MBD3: variants seen among roughly 807,000 people sequenced by gnomAD.
The protein encoded by MBD3 is methyl-CpG binding domain protein 3, also known as methyl-CpG-binding domain protein 3.
Under a neutral mutation model 31.2 loss-of-function variants are expected in MBD3, and 13 were observed. The ratio of observed to expected loss-of-function variants is 0.42; its 90% CI spans 0.27 to 0.66. The LOEUF (loss-of-function observed/expected upper bound fraction) is 0.66, where lower values mean the gene tolerates loss of function less well. Ranked by LOEUF, MBD3 falls within the 30% of genes least tolerant of loss-of-function variation. The pLI is 0.26. For synonymous variants in MBD3, 223 were observed against 187.4 expected (o/e 1.19, Z -1.55); for missense variants, 440 against 426.5 (o/e 1.03, Z -0.28).
rs934342039 is a variant in MBD3, at chr19:1,585,012, G to A, written c.270+43C>T. The stretch of plus-strand genomic sequence containing the variant: ...CACGTCATGGCCGCGTCCCCGCCTA[G>A]AACGCCCCGCGCCGACGTCACCTGC... On this transcript the variant is annotated intron_variant, in intron 2 of 6. Coordinates refer to ENST00000434436, the MANE Select transcript of MBD3 (RefSeq NM_001281453.2). The surrounding 1 kb of genome is among the most constrained non-coding windows in gnomAD (Gnocchi z 4.1). 2 of 1,604,100 alleles carry A rather than the reference G, an allele frequency of 1.2e-6. No individual in the cohort carries two copies. Among genetic ancestry groups the A allele is most frequent in the African/African-American group, 2.7e-5 (2 of 74,846 alleles).
chr19:1,578,192 T>G lies in MBD3; in HGVS notation c.*6-34A>C. 7.6e-7 allele frequency: 1 copy of G among 1,320,180 alleles called. No individual in the cohort carries two copies. The highest frequency in any genetic ancestry group is 1.0e-6 in the Non-Finnish European group (1 of 956,738). The allele number at this position is 1,320,180 out of a possible 1,614,324, so 81.8% of individuals were successfully genotyped here. The stretch of plus-strand genomic sequence containing the variant: ...GACAGGGAGGGCTGGCTTTAGCGAC[T>G]CCACGGGACGGGGACGCTTGGGCTC... On this transcript the variant is annotated intron_variant, in intron 6 of 6. Transcript: ENST00000434436. The surrounding 1 kb of genome is among the most constrained non-coding windows in gnomAD (Gnocchi z 6.1).
Position 1,584,642 on chromosome 19 carries a change from G to A in MBD3, c.306C>T (p.Arg102=). The change falls in exon 3 of 7, where the codon CGC becomes CGT. Residue 102 remains arginine, a synonymous_variant. Coordinates refer to ENST00000434436, the MANE Select transcript of MBD3 (RefSeq NM_001281453.2). ...KPDLNTALPV[R]QTASIFKQPV... ...GCTGCTTGAAGATGGACGCCGTCTG[G>A]CGCACGGGCAGCGCCGTGTTCAGGT... The A allele has an allele frequency of 6.2e-7, 1 of 1,613,602 alleles. No homozygotes were observed. Among genetic ancestry groups the A allele is most frequent in the Admixed American group, 1.7e-5 (1 of 60,030 alleles).
rs1917272528 is a variant in MBD3 at position 1,578,591 on chromosome 19, G to A, written c.678-53C>T. 1 of 1,606,582 alleles carries A rather than the reference G, an allele frequency of 6.2e-7. No individual in the cohort carries two copies. The highest frequency in any genetic ancestry group is 1.7e-5 in the Admixed American group (1 of 60,030). On this transcript the variant is annotated intron_variant, in intron 5 of 6. Coordinates refer to ENST00000434436, the MANE Select transcript of MBD3 (RefSeq NM_001281453.2). This position sits in a 1 kb window ranked among gnomAD's most constrained non-coding sequence, Gnocchi z 6.1. The stretch of plus-strand genomic sequence containing the variant: ...CCAAGGTGAGCGGCCAGCAGGACAT[G>A]GACACAGGATGAACGTGGGGACCTC...
chr19:1,584,872 G>T (rs1176532019), intron 2 of MBD3, 183 bp downstream of exon 2: 3 of 1,028,818 alleles, frequency 2.9e-6, no homozygotes, highest in Non-Finnish European at 4.0e-6. Context: ...GCCGCGGGCC[G>T]CGTCCTCGCC....
chr19:1,591,566 C>G (rs1047130013), intron 1 of MBD3, among the ~76,000 whole-genome samples: 1 of 152,174 alleles, frequency 6.6e-6, no homozygotes, highest in African/African-American at 2.4e-5. Flanking sequence ...CCCCTTTACC[C>G]AGGTGCTCGG....
In MBD3 at chr19:1,585,037, C is replaced by A; in HGVS notation, c.270+18G>T. On this transcript the variant is annotated intron_variant, in intron 2 of 6. Coordinates refer to ENST00000434436, the MANE Select transcript of MBD3 (RefSeq NM_001281453.2). The surrounding 1 kb of genome is among the most constrained non-coding windows in gnomAD (Gnocchi z 4.1). The stretch of plus-strand genomic sequence containing the variant: ...GAACGCCCCGCGCCGACGTCACCTG[C>A]GTGACGCCACCACTCACCTTGACCT... 3 of 1,609,800 alleles carry A rather than the reference C, an allele frequency of 1.9e-6. No homozygotes were observed. The highest frequency in any genetic ancestry group is 2.5e-6 in the Non-Finnish European group (3 of 1,179,138).
intron 3 of MBD3, 21 bp from the exon 4 acceptor site, chr19:1,582,733 A>G (rs1568275277): frequency 1.4e-5 from 23 of 1,606,994 alleles, no homozygotes; most frequent in East Asian, 8.9e-5. Context: ...CACATATGTG[A>G]ACCTCAAGAG....
At chr19:1,584,850 T>A (rs1483361980) in intron 2 of MBD3, 173 bp from the exon 3 acceptor site, 2 of 988,900 alleles carry the variant, frequency 2.0e-6, no homozygotes, top group East Asian at 3.4e-5. Flanking sequence ...TCCGGCCGGC[T>A]CTGGAACGCC....
chr19:1,580,300 T>G (rs1177837578), intron 5 of MBD3, among the ~76,000 whole-genome samples: 1 of 152,172 alleles, frequency 6.6e-6, no homozygotes, highest in Non-Finnish European at 1.5e-5. Flanking sequence ...TGTGTGCTTG[T>G]GGGGGTGGCG....
chr19:1,578,633 C>T lies in MBD3; in HGVS notation c.678-95G>A. 7 of 1,597,828 alleles carry T rather than the reference C, an allele frequency of 4.4e-6. No homozygotes were observed. The highest frequency in any genetic ancestry group is 1.1e-5 in the South Asian group (1 of 90,584). On this transcript the variant is annotated intron_variant, in intron 5 of 6. Transcript: ENST00000434436. The surrounding 1 kb of genome is among the most constrained non-coding windows in gnomAD (Gnocchi z 6.1). ...GGGGACCTCAGCTGGGAGGGGAGGC[C>T]CGAGGGATCCACAGGCACCCCCCCA...
chr19:1,578,364 CGGGTCG>C lies in MBD3; in HGVS notation c.846_851del (p.Asp285_Pro286del), dbSNP rs1917261348. 1.9e-6 allele frequency: 3 copies of C among 1,603,946 alleles called. No homozygotes were observed. ...CCTAGACGTGCTCCATCTCCGGGTC[CGGGTCG>C]GGCTCCTCCTCCTCCTCCTCCTCGT... On this transcript the variant is annotated inframe_deletion, in exon 6 of 7. Coordinates refer to ENST00000434436, the MANE Select transcript of MBD3 (RefSeq NM_001281453.2). The surrounding 1 kb of genome is among the most constrained non-coding windows in gnomAD (Gnocchi z 6.1).
At chr19:1,584,092 T>G (rs1159006224) in intron 3 of MBD3, among the ~76,000 whole-genome samples, 2 of 152,142 alleles carry the variant, frequency 1.3e-5, no homozygotes, top group Non-Finnish European at 2.9e-5. Context: ...CCCAAAGTGC[T>G]GGGATTACAG....
At position 1,581,252 on chromosome 19, in the gene MBD3, T is replaced by A; in HGVS notation, c.517A>T (p.Thr173Ser). 1 of 1,609,500 alleles carries A rather than the reference T, an allele frequency of 6.2e-7. No individual in the cohort carries two copies. The highest frequency in any genetic ancestry group is 8.5e-7 in the Non-Finnish European group (1 of 1,179,930). The change falls in exon 5 of 7, where the codon ACG becomes TCG. Residue 173 changes from threonine to serine, a missense_variant. Transcript: ENST00000434436. ...KGLQGVGPGC[T>S]DETLLSAIAS... Reference sequence around the variant, plus strand: ...ATGGCCGACAGCAGCGTCTCATCCGTGCAGCCAGGTCCCACCCCTGCCAGG... The same window carrying A: ...ATGGCCGACAGCAGCGTCTCATCCGAGCAGCCAGGTCCCACCCCTGCCAGG...
intron 1 of MBD3, among the ~76,000 whole-genome samples, chr19:1,588,779 C>CAAAAAAAAA (rs750933978): frequency 1.8e-5 from 1 of 54,950 alleles, no homozygotes; most frequent in African/African-American, 7.5e-5. Flanking sequence ...ACTGTGTCTC[C>CAAAAAAAAA]AAAAAAAAAA....
intron 1 of MBD3, among the ~76,000 whole-genome samples, chr19:1,588,392 G>A (rs377582680): frequency 1.3e-5 from 2 of 152,174 alleles, no homozygotes; most frequent in Non-Finnish European, 2.9e-5. Context: ...CAGGCTTCAT[G>A]TAGCCACAAG....
rs1034182137 is a variant in MBD3 at position 1,578,262 on chromosome 19, G to A, written c.*5+73C>T. 3 of 1,592,258 alleles carry A rather than the reference G, an allele frequency of 1.9e-6. No homozygotes were observed. The highest frequency in any genetic ancestry group is 1.7e-5 in the Admixed American group (1 of 59,850). ...TCTTGGGAGGCACCCGTCATCCCAA[G>A]CACATCTGTGTTCACCAGGCAGTCC... On this transcript the variant is annotated intron_variant, in intron 6 of 6. Transcript: ENST00000434436. This position sits in a 1 kb window ranked among gnomAD's most constrained non-coding sequence, Gnocchi z 6.1.
At chr19:1,584,497 C>T in intron 3 of MBD3, 43 bp downstream of exon 3, 1 of 1,608,622 alleles carries the variant, frequency 6.2e-7, no homozygotes, top group African/African-American at 1.3e-5. Flanking sequence ...CCAAAGTGAA[C>T]AACCCGGCCG....
chr19:1,581,399 CAT>C, intron 4 of MBD3, 130 bp from the exon 5 acceptor site: 5 of 950,380 alleles, frequency 5.3e-6, no homozygotes, highest in Non-Finnish European at 8.1e-6. Context: ...ACTTGGGTTC[CAT>C]TTCTAAATTC....
intron 4 of MBD3, chr19:1,581,846 T>A (rs557146439): frequency 6.2e-6 from 1 of 160,994 alleles, no homozygotes; most frequent in African/African-American, 2.4e-5. Context: ...CGGCTCACTG[T>A]AAGCTCCGCC....
Sources: gnomAD v4.1 joint callset for allele counts (sites outside exome capture counted in the v4.1 genomes callset) on GRCh38, gnomAD v4.1.1 for gene constraint, Gnocchi (gnomAD v3.1) non-coding constraint, MANE v1.5 for transcripts, NCBI Gene and HGNC (gene_info 2026-07-23, HGNC 2026-07-21) for gene names.